PTK2: variants seen among roughly 807,000 people sequenced by gnomAD.
PTK2 encodes focal adhesion kinase 1.
A neutral mutation model predicts 150.1 loss-of-function variants in PTK2; 45 were observed. The observed-to-expected ratio is 0.30, with a 90% confidence interval of 0.24 to 0.38. The LOEUF is 0.38. Ranked by LOEUF, PTK2 falls within the 10% of genes least tolerant of loss-of-function variation. The pLI, the probability that PTK2 is intolerant of heterozygous loss-of-function variation, is 1.00. For synonymous variants in PTK2, 432 were observed against 449.2 expected, an observed-to-expected ratio of 0.96 and a Z score of 0.48; for missense variants, 919 against 1,307.3, an observed-to-expected ratio of 0.70 and a Z score of 4.58.
intron 1 of PTK2, among the ~76,000 whole-genome samples, chr8:140,957,618 G>A (rs149620828): frequency 1.0e-3 from 154 of 152,250 alleles, no homozygotes; most frequent in African/African-American, 3.5e-3. Context: ...GCAGCGTTCA[G>A]TCCTGCAAGC....
intron 8 of PTK2, among the ~76,000 whole-genome samples, chr8:140,828,525 T>A (rs2100113325): frequency 1.3e-5 from 2 of 152,200 alleles, no homozygotes; most frequent in South Asian, 4.1e-4. Context: ...TAAGGAGACT[T>A]TGCAATAATT....
chr8:140,769,429 C>T, intron 14 of PTK2, 146 bp downstream of exon 16: 1 of 308,712 alleles, frequency 3.2e-6, no homozygotes, highest in Middle Eastern at 1.3e-3. Flanking sequence ...AAGCCCTAAG[C>T]AATTTTTAAA....
At chr8:140,789,550 G>T (rs1215783331) in intron 13 of PTK2, 24 bp from the exon 14 acceptor site, 1 of 1,609,858 alleles carries the variant, frequency 6.2e-7, no homozygotes, top group Non-Finnish European at 8.5e-7. Context: ...GAGCAAAGCT[G>T]TAAGCCCTGC....
At chr8:140,813,997 A>G (rs2100103168) in intron 10 of PTK2, among the ~76,000 whole-genome samples, 4 of 152,226 alleles carry the variant, frequency 2.6e-5, no homozygotes, top group Admixed American at 2.6e-4. Flanking sequence ...ACAGAAATAC[A>G]AATAACTATC....
In PTK2 at chr8:140,860,040, AT is replaced by A. The variant is rs572569065; in HGVS notation, c.450+4271del. On this transcript the variant is annotated intron_variant, in intron 5 of 31. Coordinates refer to ENST00000522684, the Ensembl canonical transcript of PTK2. ...ATCAGGCTAAAATTTAAAAATATGC[AT>A]TTTTTTCCCACATAAACGAAAATTA... 2.0e-5 allele frequency among the ~76,000 whole-genome samples: 3 copies of A among 152,106 alleles called. No homozygotes were observed. The East Asian group carries it at 5.8e-4, about 29-fold the overall frequency.
At chr8:140,702,176 A>C (rs998055082) in intron 25 of PTK2, among the ~76,000 whole-genome samples, 1 of 141,690 alleles carries the variant, frequency 7.1e-6, no homozygotes, top group Non-Finnish European at 1.5e-5. Flanking sequence ...AATAAATCTT[A>C]GGATTTAGAA....
chr8:140,705,412 T>C (rs959895850), intron 24 of PTK2, among the ~76,000 whole-genome samples: 2 of 152,188 alleles, frequency 1.3e-5, no homozygotes, highest in East Asian at 1.9e-4. Flanking sequence ...TATAAAATTC[T>C]AGAACAGGCA....
chr8:140,998,465 A>G (rs2100198622), intron 1 of PTK2, among the ~76,000 whole-genome samples: 1 of 152,134 alleles, frequency 6.6e-6, no homozygotes, highest in African/African-American at 2.4e-5. Context: ...AGAATACAAT[A>G]TAAATAATTT....
At chr8:140,895,365 T>A (rs1483796742) in intron 2 of PTK2, among the ~76,000 whole-genome samples, 4 of 151,654 alleles carry the variant, frequency 2.6e-5, no homozygotes, top group Non-Finnish European at 4.4e-5. Flanking sequence ...CAAAATAATT[T>A]AAAAAAATCA....
intron 5 of PTK2, among the ~76,000 whole-genome samples, chr8:140,847,356 C>T (rs2100126196): frequency 6.6e-6 from 1 of 152,188 alleles, no homozygotes; most frequent in Non-Finnish European, 1.5e-5. Context: ...TAATGGAATT[C>T]TTGAAATGCC....
At position 140,786,375 on chromosome 8, in the gene PTK2, G is replaced by A. The variant is rs552947988; in HGVS notation, c.1177+3099C>T. ...GTCAGCACTACATCCCACATAGTAC[G>A]GTGTTTCCAGGTTGGCAGGTAAGAA... On this transcript the variant is annotated intron_variant, in intron 14 of 31. Coordinates refer to ENST00000522684, the Ensembl canonical transcript of PTK2. Among the ~76,000 whole-genome samples the A allele has an allele frequency of 2.0e-4, 30 of 152,210 alleles. 1 individual carries two copies. The highest frequency in any genetic ancestry group is 1.2e-3 in the South Asian group (6 of 4,824).
At chr8:140,715,561 C>T (rs542789260) in intron 23 of PTK2, among the ~76,000 whole-genome samples, 1 of 152,080 alleles carries the variant, frequency 6.6e-6, no homozygotes, top group South Asian at 2.1e-4. Flanking sequence ...TATACTGTCT[C>T]TGCCACAACT....
intron 4 of PTK2, among the ~76,000 whole-genome samples, chr8:140,864,698 A>C (rs529383735): frequency 4.6e-5 from 7 of 152,330 alleles, no homozygotes; most frequent in South Asian, 4.1e-4. Context: ...AACTGCCCTG[A>C]CTTCTAACAT....
At chr8:140,815,057 A>G (rs1596796102) in intron 10 of PTK2, among the ~76,000 whole-genome samples, 1 of 152,262 alleles carries the variant, frequency 6.6e-6, no homozygotes, top group East Asian at 1.9e-4. Context: ...TACAGGTGTG[A>G]GCCACCGCGC....
intron 8 of PTK2, among the ~76,000 whole-genome samples, chr8:140,825,238 G>A (rs1451817638): frequency 6.6e-6 from 1 of 152,134 alleles, no homozygotes; most frequent in Admixed American, 6.5e-5. Flanking sequence ...GCAGAGGCCA[G>A]GTTTCACTCC....
chr8:140,776,127 C>G (rs905310555), intron 14 of PTK2, among the ~76,000 whole-genome samples: 3 of 152,198 alleles, frequency 2.0e-5, no homozygotes, highest in Non-Finnish European at 4.4e-5. Flanking sequence ...CCTAAGCCTC[C>G]CCAGTGGCTG....
At chr8:140,856,368 A>C (rs1200850308) in intron 5 of PTK2, among the ~76,000 whole-genome samples, 2 of 35,836 alleles carry the variant, frequency 5.6e-5, no homozygotes, top group African/African-American at 1.2e-4. Flanking sequence ...TAATAGTAAA[A>C]AACAAAACAA....
chr8:140,824,552 G>A (rs919049856), intron 8 of PTK2, among the ~76,000 whole-genome samples: 3 of 152,210 alleles, frequency 2.0e-5, no homozygotes, highest in Admixed American at 1.3e-4. Flanking sequence ...ACTTAAATGC[G>A]ACTGCCAATG....
chr8:141,001,949 G>C (rs1230571369), upstream of PTK2: 1 of 152,262 alleles, frequency 6.6e-6, no homozygotes, highest in Non-Finnish European at 1.5e-5. Context: ...ACTGGAGGTA[G>C]ACAGGTTACC....
Sources: gnomAD v4.1 joint callset for allele counts (sites outside exome capture counted in the v4.1 genomes callset) on GRCh38, gnomAD v4.1.1 for gene constraint, MANE v1.5 for transcripts, NCBI Gene and HGNC (gene_info 2026-07-23, HGNC 2026-07-21) for gene names.